Variants in ZNF320 observed in about 807,000 individuals in gnomAD.
The protein encoded by ZNF320 is zinc finger gene 320.
A neutral mutation model predicts 6.8 loss-of-function variants in ZNF320; 2 were observed. The observed-to-expected ratio is 0.29, with a 90% confidence interval of 0.12 to 0.93. The LOEUF (loss-of-function observed/expected upper bound fraction) is 0.93, where lower values mean the gene tolerates loss of function less well. Among genes scored for constraint, ZNF320 ranks in the 40% least tolerant of loss-of-function variants. ZNF320 has a pLI of 0.55. For synonymous variants in ZNF320, 208 were observed against 203.2 expected (o/e 1.02, Z -0.20); for missense variants, 472 against 611.0 (o/e 0.77, Z 2.40).
the ZNF320 span, among the ~76,000 whole-genome samples, chr19:52,903,793 T>C: frequency 6.6e-6 from 1 of 151,980 alleles, no homozygotes; most frequent in Admixed American, 6.6e-5. Context: ...CACGCACTTT[T>C]ACCGTTTATA....
chr19:52,859,914 CTT>C (rs36107250), downstream of ZNF320, among the ~76,000 whole-genome samples: 199 of 130,848 alleles, frequency 1.5e-3, 1 homozygote, highest in Middle Eastern at 7.8e-3. Context: ...GTTTTTCTTT[CTT>C]TTTTTTTTTT....
rs541740315 is a variant in ZNF320 at position 52,870,954 on chromosome 19, G to C, written c.223+3038C>G. On this transcript the variant is annotated intron_variant, in intron 5 of 5. Coordinates refer to the ZNF320 transcript ENST00000673631. ...AAGGTCAGGATTTCCCGACCAGCCT[G>C]ACCAATATGGTGAAATCCCATCTCT... Among the ~76,000 whole-genome samples, 27 of 151,904 alleles carry C rather than the reference G, an allele frequency of 1.8e-4. No homozygotes were observed. In the Middle Eastern group the frequency reaches 0.01, roughly 58 times the overall value.
upstream of ZNF320, among the ~76,000 whole-genome samples, chr19:52,899,471 T>C (rs1331129724): frequency 6.6e-6 from 1 of 152,188 alleles, no homozygotes; most frequent in Non-Finnish European, 1.5e-5. Context: ...CATTTCTTTT[T>C]CTTTTTTTGG....
chr19:52,902,864 T>C, the ZNF320 span, among the ~76,000 whole-genome samples: 3 of 152,230 alleles, frequency 2.0e-5, no homozygotes, highest in Non-Finnish European at 4.4e-5. Flanking sequence ...GCATTTTTAC[T>C]TTGATGTCCG....
upstream of ZNF320, among the ~76,000 whole-genome samples, chr19:52,901,166 A>C (rs904558922): frequency 3.3e-5 from 5 of 152,212 alleles, no homozygotes; most frequent in Admixed American, 1.3e-4. Flanking sequence ...CTTGGGCTAC[A>C]TACTTTGGAT....
rs973743720 is a variant in ZNF320 at position 52,876,647 on chromosome 19, GCCA to G, written c.*3946_*3948del. On this transcript the variant is annotated 3_prime_UTR_variant, in exon 6 of 6. Coordinates refer to ENST00000682928, the MANE Select transcript of ZNF320 (RefSeq NM_001351774.2). ...TGAATAGCTGGGATTACAGGCACTC[GCCA>G]CCACACCAGGCTAATTTCTATATTT... 5 of 152,134 alleles carry G rather than the reference GCCA, an allele frequency of 3.3e-5. No individual in the cohort carries two copies. The highest frequency in any genetic ancestry group is 2.6e-4 in the Admixed American group (4 of 15,282). The allele number at this position is 152,134 out of a possible 1,614,324, so 9.4% of individuals were successfully genotyped here.
At chr19:52,897,060 C>T in intron 1 of ZNF320, among the ~76,000 whole-genome samples, 1 of 152,246 alleles carries the variant, frequency 6.6e-6, no homozygotes. Context: ...AAAATAAATA[C>T]TTTAACCCCC....
At position 52,885,419 on chromosome 19, in the gene ZNF320, CA is replaced by C. The variant is rs905178395; in HGVS notation, c.142+2707del. On this transcript the variant is annotated intron_variant, in intron 5 of 5. Transcript: ENST00000682928. ...AACAAGGAGTAAACCCTGTCTCTAC[CA>C]AAAATACAAAATTAGGCCAGGCGTG... Among the ~76,000 whole-genome samples, 55 of 151,572 alleles carry C rather than the reference CA, an allele frequency of 3.6e-4. 1 individual carries two copies. Among genetic ancestry groups the C allele is most frequent in the African/African-American group, 1.2e-3 (51 of 41,328 alleles).
chr19:52,866,002 T>C (rs376898027), intron 5 of ZNF320, among the ~76,000 whole-genome samples: 3 of 87,844 alleles, frequency 3.4e-5, no homozygotes, highest in Non-Finnish European at 4.3e-5. Context: ...TGATTATACA[T>C]ATATATTTAT....
chr19:52,879,127 A>G lies in ZNF320; in HGVS notation c.*1469T>C, dbSNP rs921159948. 10 of 152,226 alleles carry G rather than the reference A, an allele frequency of 6.6e-5. No homozygotes were observed. The highest frequency in any genetic ancestry group is 2.2e-4 in the African/African-American group (9 of 41,446). The allele number at this position is 152,226 out of a possible 1,614,324, so 9.4% of individuals were successfully genotyped here. The stretch of plus-strand genomic sequence containing the variant: ...TTCAGACATGTTATAACGGATTTGT[A>G]TCAGTTTATCTTGGTGCAAAAAATG... On this transcript the variant is annotated 3_prime_UTR_variant, in exon 6 of 6. Transcript: ENST00000682928.
upstream of ZNF320, among the ~76,000 whole-genome samples, chr19:52,898,103 A>G (rs1274440392): frequency 6.6e-6 from 1 of 152,234 alleles, no homozygotes; most frequent in Non-Finnish European, 1.5e-5. Flanking sequence ...AAGGGAAGGA[A>G]TGCAAACTAG....
intron 5 of ZNF320, among the ~76,000 whole-genome samples, chr19:52,864,424 C>G (rs1416058667): frequency 1.3e-5 from 2 of 152,122 alleles, no homozygotes; most frequent in African/African-American, 4.8e-5. Flanking sequence ...TTATGTTCAG[C>G]CTAACACTTG....
At chr19:52,891,814 G>A (rs2064303563) in intron 2 of ZNF320, among the ~76,000 whole-genome samples, 2 of 152,250 alleles carry the variant, frequency 1.3e-5, no homozygotes, top group African/African-American at 4.8e-5. Context: ...CATATTCACC[G>A]AGTTACCCTG....
chr19:52,868,027 G>C (rs1035241708), intron 5 of ZNF320, among the ~76,000 whole-genome samples: 1 of 148,760 alleles, frequency 6.7e-6, no homozygotes, highest in Non-Finnish European at 1.5e-5. Context: ...TTAGAGGTGT[G>C]AGCCACCATG....
chr19:52,872,873 T>G (rs886666546), downstream of ZNF320, among the ~76,000 whole-genome samples: 1 of 152,038 alleles, frequency 6.6e-6, no homozygotes, highest in Admixed American at 6.6e-5. Flanking sequence ...AGGGTGATGG[T>G]GAGGAGAGGG....
chr19:52,886,088 T>A (rs1309112476), intron 5 of ZNF320, among the ~76,000 whole-genome samples: 5 of 148,568 alleles, frequency 3.4e-5, no homozygotes, highest in Non-Finnish European at 7.5e-5. Context: ...AATAAAAAAG[T>A]TCTACTGGAG....
downstream of ZNF320, among the ~76,000 whole-genome samples, chr19:52,874,693 A>G (rs550645595): frequency 6.6e-6 from 1 of 152,200 alleles, no homozygotes; most frequent in African/African-American, 2.4e-5. Flanking sequence ...AGAATCACAC[A>G]GAACAGGCAA....
chr19:52,892,592 A>G lies in ZNF320; in HGVS notation c.-192+1187T>C, dbSNP rs2064331177. 2.0e-5 allele frequency among the ~76,000 whole-genome samples: 3 copies of G among 152,108 alleles called. No homozygotes were observed. In the South Asian group the frequency reaches 6.2e-4, roughly 31 times the overall value. On this transcript the variant is annotated intron_variant, in intron 2 of 5. Transcript: ENST00000682928. ...ACAGTGAAACCCTGTCTCTACTAAA[A>G]ATACAAAAATTAGCCAGGCTCCATC...
At chr19:52,891,756 C>G (rs2064301501) in intron 2 of ZNF320, among the ~76,000 whole-genome samples, 1 of 152,144 alleles carries the variant, frequency 6.6e-6, no homozygotes, top group Non-Finnish European at 1.5e-5. Context: ...CTGCCAGGGA[C>G]TGATGTGACC....
Sources: gnomAD v4.1 joint callset for allele counts (sites outside exome capture counted in the v4.1 genomes callset) on GRCh38, gnomAD v4.1.1 for gene constraint, MANE v1.5 for transcripts, NCBI Gene and HGNC (gene_info 2026-07-23, HGNC 2026-07-21) for gene names.